Variants in PDZD8 observed in about 807,000 individuals in gnomAD.
PDZD8 encodes PDZ domain-containing protein 8.
Under a neutral mutation model 85.8 loss-of-function variants are expected in PDZD8, and 14 were observed. The ratio of observed to expected loss-of-function variants is 0.16; its 90% CI spans 0.11 to 0.26. The LOEUF (loss-of-function observed/expected upper bound fraction) is 0.26. Ranked by LOEUF, PDZD8 falls within the 10% of genes least tolerant of loss-of-function variation. PDZD8 has a pLI of 1.00. For synonymous variants in PDZD8, 592 were observed against 568.6 expected, an observed-to-expected ratio of 1.04 and a Z score of -0.59; for missense variants, 1,197 against 1,424.3, an observed-to-expected ratio of 0.84 and a Z score of 2.57.
In PDZD8 at chr10:117,283,868, G is replaced by C. The variant is rs1844611350; in HGVS notation, c.2865C>G (p.Arg955=). The C allele has an allele frequency of 6.2e-7, 1 of 1,614,060 alleles. No individual in the cohort carries two copies. Among genetic ancestry groups the C allele is most frequent in the Admixed American group, 1.7e-5 (1 of 60,010 alleles). Residue 955 remains arginine, a synonymous_variant, in exon 5 of 5, where the codon CGC becomes CGG. Coordinates refer to ENST00000334464, the MANE Select transcript of PDZD8 (RefSeq NM_173791.5). ...LLNLRQVSKT[R]LSEPGTDLVE... is the part of the protein sequence containing the mutation. ...CGAGATCGGTTCCTGGTTCAGAAAG[G>C]CGAGTTTTAGAGACTTGACGCAAAT... is the stretch of plus-strand genomic sequence containing the variant.
At chr10:117,290,653 T>A (rs1179106513) in intron 3 of PDZD8, among the ~76,000 whole-genome samples, 3 of 152,066 alleles carry the variant, frequency 2.0e-5, no homozygotes, top group Non-Finnish European at 4.4e-5. Flanking sequence ...AAGAAAACCA[T>A]TCCTAATTAT....
chr10:117,280,637 C>G lies in PDZD8; in HGVS notation c.*2631G>C, dbSNP rs562185451. 6.6e-6 allele frequency: 1 copy of G among 152,098 alleles called. No homozygotes were observed. Among genetic ancestry groups the G allele is most frequent in the Non-Finnish European group, 1.5e-5 (1 of 68,022 alleles). The allele number at this position is 152,098 out of a possible 1,614,324, so 9.4% of individuals were successfully genotyped here. On this transcript the variant is annotated 3_prime_UTR_variant, in exon 5 of 5. Transcript: ENST00000334464. ...TACTCTAGGCTATTTGGAGTGTTCC[C>G]CCACTTGCACTAAAGTACAACTATG...
chr10:117,366,051 A>G (rs1378230054), intron 1 of PDZD8, among the ~76,000 whole-genome samples: 2 of 152,154 alleles, frequency 1.3e-5, no homozygotes, highest in Non-Finnish European at 2.9e-5. Flanking sequence ...GAAAAAAAAA[A>G]GAATCAAAAA....
At chr10:117,373,350 T>A (rs1393159677) in intron 1 of PDZD8, among the ~76,000 whole-genome samples, 3 of 152,138 alleles carry the variant, frequency 2.0e-5, no homozygotes, top group Non-Finnish European at 4.4e-5. Context: ...AAATGCTTGA[T>A]GGGCAGAGTC....
At chr10:117,338,202 G>A (rs1264323022) in intron 2 of PDZD8, among the ~76,000 whole-genome samples, 4 of 152,180 alleles carry the variant, frequency 2.6e-5, no homozygotes, top group African/African-American at 4.8e-5. Context: ...GACTTAATAC[G>A]AAGACAAAAA....
intron 4 of PDZD8, among the ~76,000 whole-genome samples, chr10:117,289,534 A>T (rs1329896456): frequency 6.6e-6 from 1 of 152,232 alleles, no homozygotes; most frequent in Non-Finnish European, 1.5e-5. Context: ...AGTGAGTCCT[A>T]CTGCTTAGAC....
rs1347650943 is a variant in PDZD8 at position 117,281,833 on chromosome 10, A to AG, written c.*1434dup. 6.6e-6 allele frequency: 1 copy of AG among 152,230 alleles called. No individual in the cohort carries two copies. Among genetic ancestry groups the AG allele is most frequent in the Non-Finnish European group, 1.5e-5 (1 of 68,050 alleles). 9.4% of individuals were successfully genotyped at this position (152,230 alleles called of 1,614,324 possible). A position where few individuals can be genotyped will look rare whatever the true frequency, so the allele number is the denominator to read the frequency against. ...CATGCTTTTTCCTGCCAGCAATAAA[A>AG]GCTGCTCCATCTAGTTTTAAACTCA... On this transcript the variant is annotated 3_prime_UTR_variant, in exon 5 of 5. Transcript: ENST00000334464.
intron 3 of PDZD8, among the ~76,000 whole-genome samples, chr10:117,306,888 AT>A (rs1446175664): frequency 6.6e-6 from 1 of 152,136 alleles, no homozygotes; most frequent in East Asian, 1.9e-4. Context: ...ATATTTAAGC[AT>A]GTATTACCTA....
intron 1 of PDZD8, among the ~76,000 whole-genome samples, chr10:117,364,966 C>T (rs1436314879): frequency 6.6e-6 from 1 of 151,834 alleles, no homozygotes; most frequent in East Asian, 1.9e-4. Context: ...GAGAGAGAGG[C>T]ACCTCCTCAA....
rs532628969 is a variant in PDZD8 at position 117,371,948 on chromosome 10, A to C, written c.872+2408T>G. On this transcript the variant is annotated intron_variant, in intron 1 of 4. Coordinates refer to ENST00000334464, the MANE Select transcript of PDZD8 (RefSeq NM_173791.5). ...AACCGAACAAAATCCTGTCTCAACA[A>C]ACAAACGAAAAACACAAAAAAATTA... 2.6e-5 allele frequency among the ~76,000 whole-genome samples: 4 copies of C among 152,244 alleles called. No homozygotes were observed. In the East Asian group the frequency reaches 7.7e-4, roughly 29 times the overall value.
intron 2 of PDZD8, among the ~76,000 whole-genome samples, chr10:117,339,239 G>T (rs985561973): frequency 5.3e-5 from 8 of 151,990 alleles, no homozygotes; most frequent in Middle Eastern, 3.4e-3. Flanking sequence ...TAACCTGTGT[G>T]CTCAAGTACT....
chr10:117,345,481 TG>T (rs1278947257), intron 1 of PDZD8, among the ~76,000 whole-genome samples: 2 of 151,750 alleles, frequency 1.3e-5, no homozygotes, highest in African/African-American at 4.9e-5. Context: ...TTAACACTAG[TG>T]GGGGGGTAAG....
intron 3 of PDZD8, among the ~76,000 whole-genome samples, chr10:117,315,968 G>A (rs1052214641): frequency 5.9e-5 from 9 of 151,898 alleles, no homozygotes; most frequent in African/African-American, 1.9e-4. Flanking sequence ...TCACCAAACC[G>A]GAATACTGCA....
At chr10:117,322,262 G>A (rs1216606873) in intron 2 of PDZD8, among the ~76,000 whole-genome samples, 2 of 152,144 alleles carry the variant, frequency 1.3e-5, no homozygotes, top group South Asian at 2.1e-4. Context: ...CATATGAAGG[G>A]ACATGAAGGA....
intron 3 of PDZD8, among the ~76,000 whole-genome samples, chr10:117,307,116 A>G (rs1843956529): frequency 6.6e-6 from 1 of 152,088 alleles, no homozygotes. Flanking sequence ...TTAAGAACAC[A>G]CAAGCATATT....
intron 3 of PDZD8, among the ~76,000 whole-genome samples, chr10:117,306,425 A>C (rs1187068900): frequency 6.6e-6 from 1 of 152,202 alleles, no homozygotes; most frequent in Non-Finnish European, 1.5e-5. Context: ...TTTAAATTTT[A>C]TACTACCATT....
At position 117,374,862 on chromosome 10, in the gene PDZD8, C is replaced by G. The variant is rs1476706774; in HGVS notation, c.366G>C (p.Lys122Asn). Residue 122 changes from lysine (K) to asparagine (N), a missense_variant, in exon 1 of 5, where the codon AAG becomes AAC. Physicochemically the swap from Lys to Asn is moderately conservative, Grantham distance 94. Around this residue, in one of 4 missense-constraint regions of PDZD8, gnomAD observed 344 missense variants for 453.6 expected, o/e 0.76. Transcript: ENST00000334464. This position sits in a 1 kb window ranked among gnomAD's most constrained non-coding sequence, Gnocchi z 7.8. ...TALTRRWVTK[K>N]IKVEFEELLQ... ...GCAGCTCCTCGAACTCCACCTTGATCTTCTTGGTGACCCAGCGGCGGGTCA... is the reference window on the plus strand; with the variant it reads ...GCAGCTCCTCGAACTCCACCTTGATGTTCTTGGTGACCCAGCGGCGGGTCA... 3.7e-6 allele frequency: 6 copies of G among 1,613,738 alleles called. No individual in the cohort carries two copies. Among genetic ancestry groups the G allele is most frequent in the Admixed American group, 1.7e-5 (1 of 60,030 alleles).
In PDZD8 at chr10:117,277,715, G is replaced by C. The variant is rs1398541691; in HGVS notation, c.*5553C>G. On this transcript the variant is annotated 3_prime_UTR_variant, in exon 5 of 5. Transcript: ENST00000334464. ...AATGAAGTCTGAAAAACAGAATCAAGTAAGACAGCATGTTATATAGTGACA... is the reference window on the plus strand; with the variant it reads ...AATGAAGTCTGAAAAACAGAATCAACTAAGACAGCATGTTATATAGTGACA... 1 of 152,364 alleles carries C rather than the reference G, an allele frequency of 6.6e-6. No individual in the cohort carries two copies. Among genetic ancestry groups the C allele is most frequent in the African/African-American group, 2.4e-5 (1 of 41,424 alleles). The allele number at this position is 152,364 out of a possible 1,614,324, so 9.4% of individuals were successfully genotyped here.
At chr10:117,341,929 C>T (rs1318449208) in intron 1 of PDZD8, among the ~76,000 whole-genome samples, 2 of 152,142 alleles carry the variant, frequency 1.3e-5, no homozygotes, top group African/African-American at 4.8e-5. Flanking sequence ...AGGCAGTATG[C>T]TAAGTGCTTT....
Sources: gnomAD v4.1 joint callset for allele counts (sites outside exome capture counted in the v4.1 genomes callset) on GRCh38, gnomAD v4.1.1 for gene constraint, gnomAD v4.1.1 regional missense constraint, Gnocchi (gnomAD v3.1) non-coding constraint, MANE v1.5 for transcripts, NCBI Gene and HGNC (gene_info 2026-07-23, HGNC 2026-07-21) for gene names.